SNTB1: variants seen among roughly 807,000 people sequenced by gnomAD.
SNTB1 encodes beta-1-syntrophin.
In SNTB1, 36 loss-of-function variants were observed where a neutral mutation model predicts 48.9. The observed-to-expected ratio is 0.74, with a 90% CI of 0.56 to 0.97. The LOEUF (loss-of-function observed/expected upper bound fraction) is 0.97. Among genes scored for constraint, SNTB1 ranks in the 50% least tolerant of loss-of-function variants. The probability of loss-of-function intolerance (pLI) is 0.00; values close to 1 mark genes in which losing one functional copy is unlikely to be tolerated. For missense variants in SNTB1, 786 were observed against 703.4 expected (o/e 1.12, Z -1.33); for synonymous variants, 299 against 294.6 (o/e 1.01, Z -0.15).
rs753118124 is a variant in SNTB1 at position 120,811,369 on chromosome 8, C to A, written c.475G>T (p.Ala159Ser). Residue 159 changes from alanine (A) to serine (S), a missense_variant, in exon 1 of 7, where the codon GCC becomes TCC. Coordinates refer to ENST00000517992, the MANE Select transcript of SNTB1 (RefSeq NM_021021.4). ...TCGGCTCCGTTCACGGACAGGATGG[C>A]GTCGCCCACGTACAGGGCTTGGGTC... ...DQTQALYVGD[A>S]ILSVNGADLR... 1.9e-6 allele frequency: 3 copies of A among 1,613,712 alleles called. No individual in the cohort carries two copies. The East Asian group carries it at 6.7e-5, about 36-fold the overall frequency.
At chr8:120,573,064 T>C (rs76512720) in intron 4 of SNTB1, among the ~76,000 whole-genome samples, 1,536 of 152,324 alleles carry the variant, frequency 0.01, 25 homozygotes, top group African/African-American at 0.035. Flanking sequence ...CTAGCTCACA[T>C]TAGAATTCTG....
chr8:120,565,591 A>C (rs1216580379), intron 4 of SNTB1, among the ~76,000 whole-genome samples: 9 of 152,340 alleles, frequency 5.9e-5, no homozygotes, highest in Admixed American at 4.6e-4. Flanking sequence ...ATCTAAGTGA[A>C]AAGGAAGGGC....
chr8:120,653,271 C>T (rs1015760334), intron 2 of SNTB1, among the ~76,000 whole-genome samples: 6 of 152,034 alleles, frequency 3.9e-5, no homozygotes, highest in African/African-American at 1.2e-4. Flanking sequence ...AGGGTGGGTC[C>T]TAAATCCAAT....
chr8:120,700,009 A>T (rs1474025959), intron 1 of SNTB1, among the ~76,000 whole-genome samples: 1 of 152,176 alleles, frequency 6.6e-6, no homozygotes, highest in African/African-American at 2.4e-5. Flanking sequence ...ACAACAATAT[A>T]GGCATTATAA....
chr8:120,802,224 G>A (rs966440001), intron 1 of SNTB1, among the ~76,000 whole-genome samples: 1 of 152,072 alleles, frequency 6.6e-6, no homozygotes, highest in Admixed American at 6.6e-5. Context: ...TAAATTAACA[G>A]TCAATAAAAG....
Position 120,751,490 on chromosome 8 carries a change from G to C in SNTB1, c.572-57582C>G, listed in dbSNP as rs368000086. On this transcript the variant is annotated intron_variant, in intron 1 of 6. Transcript: ENST00000517992. ...TAAAGGATACTTTTTTTTTGTGCAA[G>C]AAATCTGTCCCCATGATCATTTCTG... is the stretch of plus-strand genomic sequence containing the variant. 5.1e-4 allele frequency among the ~76,000 whole-genome samples: 78 copies of C among 151,924 alleles called. 1 individual carries two copies. Among genetic ancestry groups the C allele is most frequent in the African/African-American group, 1.8e-3 (76 of 41,412 alleles).
intron 1 of SNTB1, among the ~76,000 whole-genome samples, chr8:120,788,135 A>G (rs1819958521): frequency 6.6e-6 from 1 of 152,172 alleles, no homozygotes; most frequent in South Asian, 2.1e-4. Flanking sequence ...ACTAAATTTT[A>G]TAAATGAAGA....
chr8:120,725,914 T>A (rs2129962214), intron 1 of SNTB1, among the ~76,000 whole-genome samples: 1 of 152,342 alleles, frequency 6.6e-6, no homozygotes, highest in Non-Finnish European at 1.5e-5. Context: ...TCATTAGTAC[T>A]GATAATAAAT....
intron 3 of SNTB1, among the ~76,000 whole-genome samples, chr8:120,627,131 G>A (rs1216071282): frequency 3.9e-5 from 6 of 152,146 alleles, no homozygotes; most frequent in Admixed American, 6.5e-5. Flanking sequence ...TGAAAGAAGC[G>A]ATGTGATTGG....
At chr8:120,709,931 C>A (rs758885267) in intron 1 of SNTB1, among the ~76,000 whole-genome samples, 1 of 152,070 alleles carries the variant, frequency 6.6e-6, no homozygotes, top group Non-Finnish European at 1.5e-5. Flanking sequence ...AAAAGGTATG[C>A]CATAAATAGT....
intron 1 of SNTB1, among the ~76,000 whole-genome samples, chr8:120,740,212 C>T (rs535598494): frequency 1.3e-5 from 2 of 152,154 alleles, no homozygotes; most frequent in Non-Finnish European, 2.9e-5. Context: ...ATCACTTCCT[C>T]CACCTTCTGA....
chr8:120,665,487 T>C (rs1817660654), intron 2 of SNTB1, among the ~76,000 whole-genome samples: 1 of 152,086 alleles, frequency 6.6e-6, no homozygotes, highest in South Asian at 2.1e-4. Flanking sequence ...ATGTTCTGGA[T>C]ACAAGTTATT....
At chr8:120,669,613 C>T (rs1817727122) in intron 2 of SNTB1, among the ~76,000 whole-genome samples, 1 of 88,166 alleles carries the variant, frequency 1.1e-5, no homozygotes, top group Admixed American at 1.0e-4. Context: ...CCACCGCGCC[C>T]GGCTAATTTT....
At chr8:120,607,706 A>G (rs1423103834) in intron 3 of SNTB1, among the ~76,000 whole-genome samples, 1 of 152,212 alleles carries the variant, frequency 6.6e-6, no homozygotes, top group East Asian at 1.9e-4. Context: ...GGAGTGATGC[A>G]GTGTTGATGC....
Position 120,666,379 on chromosome 8 carries a change from C to T in SNTB1, c.788+27313G>A, listed in dbSNP as rs188753836. On this transcript the variant is annotated intron_variant, in intron 2 of 6. Coordinates refer to ENST00000517992, the MANE Select transcript of SNTB1 (RefSeq NM_021021.4). ...TACAACTTGGCAGTTATTTTTATTT[C>T]AGTACTTGGAAAATGTTGCTTAAAT... Among the ~76,000 whole-genome samples the T allele has an allele frequency of 2.5e-4, 38 of 152,222 alleles. 1 individual carries two copies. Among genetic ancestry groups the T allele is most frequent in the Admixed American group, 2.0e-3 (30 of 15,290 alleles).
rs188336959 is a variant in SNTB1, at chr8:120,736,929, C to G, written c.572-43021G>C. Among the ~76,000 whole-genome samples the G allele has an allele frequency of 2.6e-5, 4 of 152,292 alleles. No individual in the cohort carries two copies. The East Asian group carries it at 7.7e-4, about 29-fold the overall frequency. Reference sequence around the variant, plus strand: ...TTCTTAAACTCCTCTCTCTCCATCTCTCTCTCTTTCCTTCTTTCTGTGTCT... The same window carrying G: ...TTCTTAAACTCCTCTCTCTCCATCTGTCTCTCTTTCCTTCTTTCTGTGTCT... On this transcript the variant is annotated intron_variant, in intron 1 of 6. Transcript: ENST00000517992.
At chr8:120,775,369 G>A (rs1255220981) in intron 1 of SNTB1, 1 of 152,192 alleles carries the variant, frequency 6.6e-6, no homozygotes, top group African/African-American at 2.4e-5. Flanking sequence ...TGAGTTCACT[G>A]TTGCGGTGAA....
chr8:120,666,478 G>C (rs1393277928), intron 2 of SNTB1, among the ~76,000 whole-genome samples: 1 of 151,826 alleles, frequency 6.6e-6, no homozygotes, highest in African/African-American at 2.4e-5. Flanking sequence ...AGATTAGTTT[G>C]CATGTGTAAT....
rs567425927 is a variant in SNTB1, at chr8:120,614,212, T to G, written c.996+18232A>C. ...CTTTCTGTGTCTCGGTTTTCTCATC[T>G]GTAATATGAGGCAGCTGAAACAAAT... On this transcript the variant is annotated intron_variant, in intron 3 of 6. Transcript: ENST00000517992. Among the ~76,000 whole-genome samples the G allele has an allele frequency of 3.9e-5, 6 of 152,216 alleles. No individual in the cohort carries two copies. The South Asian group carries it at 1.2e-3, about 32-fold the overall frequency.
Sources: gnomAD v4.1 joint callset for allele counts (sites outside exome capture counted in the v4.1 genomes callset) on GRCh38, gnomAD v4.1.1 for gene constraint, MANE v1.5 for transcripts, NCBI Gene and HGNC (gene_info 2026-07-23, HGNC 2026-07-21) for gene names.